Variants in SLC30A8 observed in about 807,000 individuals in gnomAD.
SLC30A8 encodes solute carrier family 30 member 8.
Under a neutral mutation model 36.9 loss-of-function variants are expected in SLC30A8, and 27 were observed. That is an observed-to-expected ratio of 0.73 (90% CI 0.54 to 1.01). The LOEUF (loss-of-function observed/expected upper bound fraction) is 1.01. SLC30A8 is among the 50% of genes least tolerant of loss of function. The pLI, the probability that SLC30A8 is intolerant of heterozygous loss-of-function variation, is 0.00. For synonymous variants in SLC30A8, 164 were observed against 172.4 expected (o/e 0.95, Z 0.38); for missense variants, 439 against 452.0 (o/e 0.97, Z 0.26).
chr8:117,106,773 G>A (rs1563601082), intron 2 of SLC30A8, among the ~76,000 whole-genome samples: 1 of 152,100 alleles, frequency 6.6e-6, no homozygotes, highest in Admixed American at 6.6e-5. Context: ...CTTTGCACAC[G>A]GTTTCAGAAT....
At chr8:117,080,370 C>T (rs1270880032) in intron 2 of SLC30A8, among the ~76,000 whole-genome samples, 1 of 151,822 alleles carries the variant, frequency 6.6e-6, no homozygotes, top group Non-Finnish European at 1.5e-5. Context: ...ACACACGTAT[C>T]CCCTGTGTAA....
intron 2 of SLC30A8, among the ~76,000 whole-genome samples, chr8:117,120,038 A>T (rs115928062): frequency 0.013 from 1,991 of 152,050 alleles, 44 homozygotes; most frequent in African/African-American, 0.045. Context: ...TCAAATGTGC[A>T]CACTACCCAA....
chr8:117,116,059 C>T (rs531746980), intron 2 of SLC30A8, among the ~76,000 whole-genome samples: 4 of 151,970 alleles, frequency 2.6e-5, no homozygotes, highest in Admixed American at 6.6e-5. Flanking sequence ...AACTTCTGTA[C>T]GCCCTTTCTT....
intron 2 of SLC30A8, among the ~76,000 whole-genome samples, chr8:117,092,870 T>A (rs945546158): frequency 7.2e-5 from 11 of 152,152 alleles, no homozygotes; most frequent in African/African-American, 2.4e-4. Context: ...AGAGTCAACT[T>A]ATTTGAGCAA....
At chr8:117,038,783 G>A (rs1310942764) in intron 1 of SLC30A8, among the ~76,000 whole-genome samples, 2 of 152,166 alleles carry the variant, frequency 1.3e-5, no homozygotes, top group African/African-American at 4.8e-5. Flanking sequence ...AGCATTTTCT[G>A]TATTCTTCAC....
intron 2 of SLC30A8, among the ~76,000 whole-genome samples, chr8:117,118,600 A>C (rs1410647629): frequency 6.6e-6 from 1 of 151,900 alleles, no homozygotes; most frequent in African/African-American, 2.4e-5. Context: ...TCATATTTTC[A>C]GACCTTGAGA....
intron 1 of SLC30A8, among the ~76,000 whole-genome samples, chr8:116,981,293 C>T (rs959089145): frequency 1.3e-5 from 2 of 152,318 alleles, no homozygotes; most frequent in African/African-American, 4.8e-5. Flanking sequence ...CATGACTTTT[C>T]TTGACCAAGG....
At chr8:117,058,544 C>T (rs373516019) in intron 2 of SLC30A8, among the ~76,000 whole-genome samples, 14 of 152,128 alleles carry the variant, frequency 9.2e-5, no homozygotes, top group African/African-American at 3.4e-4. Flanking sequence ...AATACCATAA[C>T]CTTGGATGCT....
At chr8:117,112,443 C>T (rs1820270106) in intron 2 of SLC30A8, among the ~76,000 whole-genome samples, 1 of 151,858 alleles carries the variant, frequency 6.6e-6, no homozygotes, top group African/African-American at 2.4e-5. Flanking sequence ...GAGGGGTGAA[C>T]AGTTAAAGGA....
At chr8:117,142,470 C>T (rs555018616) in intron 1 of SLC30A8, among the ~76,000 whole-genome samples, 79 of 152,258 alleles carry the variant, frequency 5.2e-4, no homozygotes, top group African/African-American at 1.8e-3. Flanking sequence ...AAATTAAACT[C>T]TTTATAATGG....
In SLC30A8 at chr8:117,017,547, T is replaced by C. The variant is rs369597373; in HGVS notation, c.-265-21672T>C. Among the ~76,000 whole-genome samples the C allele has an allele frequency of 5.9e-5, 9 of 152,292 alleles. No individual in the cohort carries two copies. In the East Asian group the frequency reaches 1.2e-3, roughly 20 times the overall value. The stretch of plus-strand genomic sequence containing the variant: ...GGCACCAGCCAACACCAAAGTCAAA[T>C]TGACGTGGAGCCACAGTGAAGAGGA... On this transcript the variant is annotated intron_variant, in intron 1 of 10. Transcript: ENST00000427715.
At chr8:116,984,429 A>G (rs1815374482) in intron 1 of SLC30A8, among the ~76,000 whole-genome samples, 2 of 152,168 alleles carry the variant, frequency 1.3e-5, no homozygotes, top group African/African-American at 4.8e-5. Flanking sequence ...CCTACCAGCA[A>G]TATATGAGTG....
At chr8:117,118,192 A>AAC (rs1554585955) in intron 2 of SLC30A8, among the ~76,000 whole-genome samples, 2 of 150,840 alleles carry the variant, frequency 1.3e-5, no homozygotes, top group African/African-American at 4.9e-5. Flanking sequence ...AAAAAAAAAA[A>AAC]ACCAAAAAAC....
chr8:117,057,012 T>G (rs1817892249), intron 2 of SLC30A8, among the ~76,000 whole-genome samples: 1 of 152,176 alleles, frequency 6.6e-6, no homozygotes, highest in African/African-American at 2.4e-5. Flanking sequence ...AGCACTTGCC[T>G]TAGTCCACTA....
intron 2 of SLC30A8, among the ~76,000 whole-genome samples, chr8:117,122,892 T>C (rs532577251): frequency 6.6e-6 from 1 of 152,068 alleles, no homozygotes; most frequent in Non-Finnish European, 1.5e-5. Flanking sequence ...CTTAAGTCAA[T>C]TGCTTCCCAA....
At chr8:117,098,959 G>C (rs141930078) in intron 2 of SLC30A8, among the ~76,000 whole-genome samples, 549 of 152,082 alleles carry the variant, frequency 3.6e-3, no homozygotes, top group Middle Eastern at 0.01. Flanking sequence ...AAATTACTTG[G>C]GTACACAGAG....
intron 2 of SLC30A8, among the ~76,000 whole-genome samples, chr8:117,070,362 C>T (rs1178729901): frequency 2.0e-5 from 3 of 152,126 alleles, no homozygotes; most frequent in East Asian, 1.9e-4. Flanking sequence ...TGACCACCCA[C>T]AAAGACACTG....
intron 1 of SLC30A8, among the ~76,000 whole-genome samples, chr8:117,024,214 A>G (rs908227945): frequency 2.6e-5 from 4 of 152,212 alleles, no homozygotes; most frequent in African/African-American, 9.6e-5. Flanking sequence ...ACAGTCTGCA[A>G]AAAACAAATT....
intron 2 of SLC30A8, among the ~76,000 whole-genome samples, chr8:117,055,633 T>C (rs1817848823): frequency 6.6e-6 from 1 of 152,260 alleles, no homozygotes; most frequent in Non-Finnish European, 1.5e-5. Context: ...GTGATCATCA[T>C]TATATTTCCA....
Sources: allele counts gnomAD v4.1 joint callset (sites outside exome capture counted in the v4.1 genomes callset), GRCh38; gene constraint gnomAD v4.1.1; transcripts MANE v1.5; gene names NCBI Gene and HGNC (gene_info 2026-07-23, HGNC 2026-07-21).